Variants in NR1I2 observed in about 807,000 individuals in gnomAD.
NR1I2 encodes orphan nuclear receptor PAR1.
A neutral mutation model predicts 43.3 loss-of-function variants in NR1I2; 42 were observed. The ratio of observed to expected loss-of-function variants is 0.97; its 90% CI spans 0.76 to 1.26. NR1I2 has a LOEUF of 1.26. Ranked by LOEUF, NR1I2 falls within the 50% of genes most tolerant of loss-of-function variation. The pLI is 0.00. For missense variants in NR1I2, 559 were observed against 566.7 expected (o/e 0.99, Z 0.14); for synonymous variants, 229 against 215.0 (o/e 1.06, Z -0.57).
At chr3:119,794,407 A>T (rs1354561626) in intron 1 of NR1I2, among the ~76,000 whole-genome samples, 1 of 150,222 alleles carries the variant, frequency 6.7e-6, no homozygotes, top group Non-Finnish European at 1.5e-5. Context: ...TCACCCAGGC[A>T]TGTCTCGAAC....
chr3:119,811,804 A>G, intron 4 of NR1I2, 78 bp downstream of exon 4: 7 of 1,376,308 alleles, frequency 5.1e-6, no homozygotes, highest in Admixed American at 2.0e-5. Flanking sequence ...CCCCAAGGAT[A>G]AGAAACTTAT....
intron 1 of NR1I2, among the ~76,000 whole-genome samples, chr3:119,794,413 C>T (rs1396917228): frequency 4.6e-5 from 7 of 151,200 alleles, no homozygotes; most frequent in Admixed American, 4.6e-4. Context: ...AGGCATGTCT[C>T]GAACTCCTGG....
intron 1 of NR1I2, among the ~76,000 whole-genome samples, chr3:119,798,999 G>A (rs1010434618): frequency 1.3e-5 from 2 of 152,206 alleles, no homozygotes; most frequent in African/African-American, 4.8e-5. Context: ...ATGCTGCTAT[G>A]AACATTTGTG....
chr3:119,789,704 C>T (rs891201230), intron 1 of NR1I2, among the ~76,000 whole-genome samples: 4 of 152,050 alleles, frequency 2.6e-5, no homozygotes, highest in Non-Finnish European at 5.9e-5. Flanking sequence ...TCTGTTTCCT[C>T]GGGGCCCTTC....
intron 1 of NR1I2, 136 bp downstream of exon 1, chr3:119,782,436 T>C: frequency 3.1e-6 from 1 of 322,536 alleles, no homozygotes; most frequent in Non-Finnish European, 6.0e-6. Flanking sequence ...TTGGCCTTGC[T>C]GCTGTCTCCT....
At chr3:119,794,214 T>C (rs944832136) in intron 1 of NR1I2, among the ~76,000 whole-genome samples, 10 of 151,904 alleles carry the variant, frequency 6.6e-5, no homozygotes, top group Non-Finnish European at 1.2e-4. Flanking sequence ...GTGTTTTTTT[T>C]TGAGATAGAG....
At chr3:119,811,787 T>C in intron 4 of NR1I2, 61 bp downstream of exon 4, 1 of 1,481,930 alleles carries the variant, frequency 6.7e-7, no homozygotes, top group Non-Finnish European at 9.2e-7. Flanking sequence ...ACATAGAAAC[T>C]GAGGTTCCCC....
At chr3:119,782,857 G>C (rs2054794630) in intron 1 of NR1I2, 3 of 1,611,632 alleles carry the variant, frequency 1.9e-6, no homozygotes, top group Non-Finnish European at 2.5e-6. Flanking sequence ...AAACCAGTGA[G>C]TTTTCTACCT....
intron 1 of NR1I2, among the ~76,000 whole-genome samples, chr3:119,788,376 C>T (rs148166177): frequency 2.0e-5 from 3 of 152,176 alleles, no homozygotes; most frequent in Non-Finnish European, 2.9e-5. Flanking sequence ...CCTCAGCCCC[C>T]CTAAGCATTG....
chr3:119,804,736 G>T (rs567069083), intron 1 of NR1I2, among the ~76,000 whole-genome samples: 1 of 151,922 alleles, frequency 6.6e-6, no homozygotes, highest in African/African-American at 2.4e-5. Context: ...ATGAGCCACC[G>T]CACCCAGCCC....
chr3:119,809,578 T>A (rs907742787), intron 2 of NR1I2, among the ~76,000 whole-genome samples: 1 of 13,396 alleles, frequency 7.5e-5, no homozygotes. Context: ...GGCGGGGGGG[T>A]GGGGCGGGCT....
chr3:119,794,833 G>C (rs2054974051), intron 1 of NR1I2, among the ~76,000 whole-genome samples: 2 of 152,176 alleles, frequency 1.3e-5, no homozygotes, highest in South Asian at 4.1e-4. Context: ...CAGCTACTTG[G>C]GAGGCTGAGC....
At chr3:119,787,192 G>A (rs1414709935) in intron 1 of NR1I2, among the ~76,000 whole-genome samples, 8 of 151,872 alleles carry the variant, frequency 5.3e-5, no homozygotes, top group Admixed American at 5.2e-4. Context: ...GGAGGCTGAG[G>A]CACGAGAATC....
At chr3:119,805,071 T>C (rs574424774) in intron 1 of NR1I2, among the ~76,000 whole-genome samples, 2 of 152,326 alleles carry the variant, frequency 1.3e-5, no homozygotes, top group South Asian at 4.1e-4. Flanking sequence ...TATGAAGTCA[T>C]TGTTTATTCC....
At position 119,786,569 on chromosome 3, in the gene NR1I2, A is replaced by G. The variant is rs146289296; in HGVS notation, c.-23+4269A>G. On this transcript the variant is annotated intron_variant, in intron 1 of 8. Transcript: ENST00000393716. The stretch of plus-strand genomic sequence containing the variant: ...CACTGGCACTACACATGCATTGATA[A>G]GACATAGGCAGTTAACTCAGAGGCC... 2.4e-4 allele frequency among the ~76,000 whole-genome samples: 37 copies of G among 152,364 alleles called. No homozygotes were observed. The East Asian group carries it at 6.9e-3, about 29-fold the overall frequency.
At chr3:119,811,472 G>A in intron 3 of NR1I2, 67 bp from the exon 4 acceptor site, 1 of 1,478,748 alleles carries the variant, frequency 6.8e-7, no homozygotes, top group Non-Finnish European at 9.1e-7. Flanking sequence ...GTTACACAGT[G>A]GCTCTCCAGG....
chr3:119,807,430 A>T lies in NR1I2; in HGVS notation c.180A>T (p.Gly60=), dbSNP rs1464163029. Residue 60 remains glycine, a synonymous_variant, in exon 2 of 9, where the codon GGA becomes GGT. Coordinates refer to ENST00000393716, the MANE Select transcript of NR1I2 (RefSeq NM_003889.4). ...ACTTCAATGTCATGACATGTGAAGG[A>T]TGCAAGGGCTTTTTCAGGTAGAGTT... is the stretch of plus-strand genomic sequence containing the variant. 1 of 1,613,736 alleles carries T rather than the reference A, an allele frequency of 6.2e-7. No individual in the cohort carries two copies. The highest frequency in any genetic ancestry group is 1.3e-5 in the African/African-American group (1 of 74,928).
At position 119,818,251 on chromosome 3, in the gene NR1I2, GAGA is replaced by G; in HGVS notation, c.*1044_*1046del. 1.0e-6 allele frequency: 1 copy of G among 985,602 alleles called. No homozygotes were observed. 61.1% of individuals were successfully genotyped at this position (985,602 alleles called of 1,614,324 possible). On this transcript the variant is annotated 3_prime_UTR_variant, in exon 9 of 9. Transcript: ENST00000393716. ...CGCTGACAATCAGTTAAACACACCG[GAGA>G]AGAACCATTTACATGCACCTTATAT...
At chr3:119,811,379 AG>A (rs1368248890) in intron 3 of NR1I2, 159 bp from the exon 4 acceptor site, 9 of 671,892 alleles carry the variant, frequency 1.3e-5, no homozygotes, top group Non-Finnish European at 2.2e-5. Context: ...AAGAGCCCAC[AG>A]GCCTCTTGAG....
Sources: gnomAD v4.1 joint callset for allele counts (sites outside exome capture counted in the v4.1 genomes callset) on GRCh38, gnomAD v4.1.1 for gene constraint, MANE v1.5 for transcripts, NCBI Gene and HGNC (gene_info 2026-07-23, HGNC 2026-07-21) for gene names.